Variants in MAML3 observed in about 807,000 individuals in gnomAD.
MAML3 encodes the protein mastermind-like protein 3.
In MAML3, 27 loss-of-function variants were observed where a neutral mutation model predicts 101.9. The observed-to-expected ratio is 0.27, with a 90% CI of 0.20 to 0.37. The LOEUF (loss-of-function observed/expected upper bound fraction) is 0.37, where lower values mean the gene tolerates loss of function less well. MAML3 is among the 10% of genes least tolerant of loss of function. The pLI is 1.00. For missense variants in MAML3, 1,316 were observed against 1,444.9 expected, an observed-to-expected ratio of 0.91 and a Z score of 1.45; for synonymous variants, 501 against 555.9, an observed-to-expected ratio of 0.90 and a Z score of 1.39.
intron 1 of MAML3, among the ~76,000 whole-genome samples, chr4:140,079,089 G>A (rs1250711330): frequency 6.6e-6 from 1 of 152,142 alleles, no homozygotes; most frequent in Non-Finnish European, 1.5e-5. Flanking sequence ...CAAGAGCTCA[G>A]TGCCTTCTTT....
intron 1 of MAML3, among the ~76,000 whole-genome samples, chr4:139,935,457 A>C (rs1199466120): frequency 1.3e-5 from 2 of 152,262 alleles, no homozygotes; most frequent in Non-Finnish European, 1.5e-5. Context: ...AATATTCACC[A>C]AGCTGAAGTT....
intron 1 of MAML3, among the ~76,000 whole-genome samples, chr4:139,972,757 T>C (rs996304457): frequency 6.6e-6 from 1 of 152,224 alleles, no homozygotes; most frequent in Non-Finnish European, 1.5e-5. Flanking sequence ...AAGTTTTAAA[T>C]TGTGAATTCT....
At position 140,153,233 on chromosome 4, in the gene MAML3, C is replaced by A. The variant is rs368077781; in HGVS notation, c.95G>T (p.Gly32Val). 19 of 1,584,938 alleles carry A rather than the reference C, an allele frequency of 1.2e-5. No homozygotes were observed. The highest frequency in any genetic ancestry group is 1.5e-5 in the Non-Finnish European group (18 of 1,164,854). The change falls in exon 1 of 5, where the codon GGT becomes GTT. Residue 32 changes from glycine to valine, a missense_variant. Gly to Val is a moderately radical substitution (Grantham distance 109). Coordinates refer to ENST00000509479, the MANE Select transcript of MAML3 (RefSeq NM_018717.5). Reference sequence around the variant, plus strand: ...AGTACTATTGGGAGTATTATTCACACCGATCCCGGCCCCGCCGAGGCTGCT... The same window carrying A: ...AGTACTATTGGGAGTATTATTCACAACGATCCCGGCCCCGCCGAGGCTGCT... ...LNSSLGGAGIGVNNTPNSTPA... is the reference protein window; with the variant it reads ...LNSSLGGAGIVVNNTPNSTPA...
intron 2 of MAML3, among the ~76,000 whole-genome samples, chr4:139,772,205 A>G (rs1200571180): frequency 8.9e-6 from 1 of 111,984 alleles, no homozygotes; most frequent in Non-Finnish European, 1.7e-5. Flanking sequence ...GCGCCACTGC[A>G]CTCCAGCCTG....
At chr4:139,739,439 C>T (rs1036501719) in intron 2 of MAML3, among the ~76,000 whole-genome samples, 1 of 152,178 alleles carries the variant, frequency 6.6e-6, no homozygotes, top group Non-Finnish European at 1.5e-5. Flanking sequence ...TTTCGTCTGC[C>T]TTTGATGTAA....
At chr4:140,151,767 G>A (rs911420960) in intron 1 of MAML3, among the ~76,000 whole-genome samples, 8 of 152,170 alleles carry the variant, frequency 5.3e-5, no homozygotes, top group Non-Finnish European at 8.8e-5. Flanking sequence ...AACCGGAGAG[G>A]GGAGATAAGA....
intron 2 of MAML3, among the ~76,000 whole-genome samples, chr4:139,810,748 T>G (rs1423250389): frequency 6.6e-6 from 1 of 152,238 alleles, no homozygotes; most frequent in Non-Finnish European, 1.5e-5. Context: ...ATCAAGTGAA[T>G]TTAAATAATT....
chr4:140,085,256 G>A (rs1057001664), intron 1 of MAML3, among the ~76,000 whole-genome samples: 1 of 152,220 alleles, frequency 6.6e-6, no homozygotes, highest in Non-Finnish European at 1.5e-5. Context: ...GTAATGGGTA[G>A]TTAAACATTT....
At chr4:140,081,751 A>C (rs772990387) in intron 1 of MAML3, among the ~76,000 whole-genome samples, 1 of 152,204 alleles carries the variant, frequency 6.6e-6, no homozygotes, top group Non-Finnish European at 1.5e-5. Flanking sequence ...ACACTGCACA[A>C]CACCAGAGGA....
intron 2 of MAML3, among the ~76,000 whole-genome samples, chr4:139,872,177 A>C (rs1732021700): frequency 6.6e-6 from 1 of 152,196 alleles, no homozygotes; most frequent in South Asian, 2.1e-4. Context: ...CACTCTATTG[A>C]ATATAAACGG....
intron 2 of MAML3, among the ~76,000 whole-genome samples, chr4:139,772,832 C>T (rs1349653464): frequency 6.6e-6 from 1 of 151,160 alleles, no homozygotes; most frequent in African/African-American, 2.4e-5. Flanking sequence ...GTAATCCCAG[C>T]ACTTTGGGAG....
chr4:139,784,009 T>C (rs1730262203), intron 2 of MAML3, among the ~76,000 whole-genome samples: 1 of 152,236 alleles, frequency 6.6e-6, no homozygotes. Context: ...AATAGCTCAC[T>C]GACTGTGGGG....
chr4:139,738,883 G>A (rs1197359881), intron 2 of MAML3, among the ~76,000 whole-genome samples: 1 of 152,074 alleles, frequency 6.6e-6, no homozygotes, highest in African/African-American at 2.4e-5. Context: ...TATGATCATG[G>A]TATATACACA....
At chr4:139,897,312 C>T (rs1164654223) in intron 1 of MAML3, among the ~76,000 whole-genome samples, 2 of 151,646 alleles carry the variant, frequency 1.3e-5, no homozygotes, top group Non-Finnish European at 2.9e-5. Context: ...AATTACAGAA[C>T]TCAGGGGGCT....
intron 1 of MAML3, among the ~76,000 whole-genome samples, chr4:140,120,369 G>GTCT (rs1026051234): frequency 5.3e-5 from 8 of 152,000 alleles, no homozygotes; most frequent in Non-Finnish European, 7.4e-5. Flanking sequence ...GCTAGATGAT[G>GTCT]TCTTATAAAA....
At chr4:140,059,821 A>G (rs1483236617) in intron 1 of MAML3, among the ~76,000 whole-genome samples, 3 of 152,228 alleles carry the variant, frequency 2.0e-5, no homozygotes, top group African/African-American at 7.2e-5. Flanking sequence ...GGGTTTCTAT[A>G]GCATTATAAT....
intron 1 of MAML3, among the ~76,000 whole-genome samples, chr4:140,129,286 A>G (rs914704426): frequency 1.3e-5 from 2 of 152,044 alleles, no homozygotes; most frequent in Admixed American, 1.3e-4. Flanking sequence ...CAAATTGTGG[A>G]CCCCACGTAG....
In MAML3 at chr4:140,036,011, C is replaced by A. The variant is rs1001236691; in HGVS notation, c.468+116849G>T. Among the ~76,000 whole-genome samples the A allele has an allele frequency of 2.0e-5, 3 of 152,168 alleles. No homozygotes were observed. The South Asian group carries it at 6.2e-4, about 32-fold the overall frequency. ...AACTCAAACCAGAAACAAAGCATATCCACGAAAGGGAATAGATTATACAGG... is the reference window on the plus strand; with the variant it reads ...AACTCAAACCAGAAACAAAGCATATACACGAAAGGGAATAGATTATACAGG... On this transcript the variant is annotated intron_variant, in intron 1 of 4. Coordinates refer to ENST00000509479, the MANE Select transcript of MAML3 (RefSeq NM_018717.5).
chr4:139,751,188 A>G (rs565139255), intron 2 of MAML3, among the ~76,000 whole-genome samples: 5 of 152,100 alleles, frequency 3.3e-5, no homozygotes, highest in Admixed American at 6.5e-5. Flanking sequence ...TAAATATAAC[A>G]TTTTCCCATT....
Sources: gnomAD v4.1 joint callset for allele counts (sites outside exome capture counted in the v4.1 genomes callset) on GRCh38, gnomAD v4.1.1 for gene constraint, MANE v1.5 for transcripts, NCBI Gene and HGNC (gene_info 2026-07-23, HGNC 2026-07-21) for gene names.